LHFPL3: variants seen among roughly 807,000 people sequenced by gnomAD.
The protein encoded by LHFPL3 is LHFPL tetraspan subfamily member 3 protein.
In LHFPL3, 5 loss-of-function variants were observed where a neutral mutation model predicts 19.3. The ratio of observed to expected loss-of-function variants is 0.26; its 90% confidence interval spans 0.14 to 0.54. The LOEUF (loss-of-function observed/expected upper bound fraction) is 0.54, where lower values mean the gene tolerates loss of function less well. Among genes scored for constraint, LHFPL3 ranks in the 20% least tolerant of loss-of-function variants. The pLI, the probability that LHFPL3 is intolerant of heterozygous loss-of-function variation, is 0.94. For synonymous variants in LHFPL3, 133 were observed against 126.2 expected (o/e 1.05, Z -0.36); for missense variants, 249 against 307.4 (o/e 0.81, Z 1.42).
At chr7:104,569,463 A>G (rs1354570435) in intron 1 of LHFPL3, among the ~76,000 whole-genome samples, 1 of 152,128 alleles carries the variant, frequency 6.6e-6, no homozygotes, top group Non-Finnish European at 1.5e-5. Flanking sequence ...TCATTCAGTG[A>G]TCTCTCTTAT....
intron 1 of LHFPL3, among the ~76,000 whole-genome samples, chr7:104,353,313 C>T (rs1021289604): frequency 6.6e-6 from 1 of 152,124 alleles, no homozygotes; most frequent in South Asian, 2.1e-4. Context: ...TAGGGTACAC[C>T]ATGTTGCTGA....
intron 1 of LHFPL3, among the ~76,000 whole-genome samples, chr7:104,532,413 G>A (rs1486955595): frequency 7.5e-6 from 1 of 133,440 alleles, no homozygotes; most frequent in Non-Finnish European, 1.5e-5. Context: ...CTCCTAACTT[G>A]GCTTCCCAAA....
At chr7:104,360,453 T>C (rs921850670) in intron 1 of LHFPL3, among the ~76,000 whole-genome samples, 1 of 152,046 alleles carries the variant, frequency 6.6e-6, no homozygotes, top group Non-Finnish European at 1.5e-5. Context: ...CAGATAAAGC[T>C]CAGAGAATGG....
rs932896755 is a variant in LHFPL3, at chr7:104,493,477, A to G, written c.445+164253A>G. 5.3e-5 allele frequency among the ~76,000 whole-genome samples: 8 copies of G among 151,988 alleles called. No homozygotes were observed. In the South Asian group the frequency reaches 1.0e-3, roughly 20 times the overall value. ...TCTCCTTTACAGCGCATGTATCTCA[A>G]GAGCCTGCTGGAGTTTTTCAGCTAG... On this transcript the variant is annotated intron_variant, in intron 1 of 2. Coordinates refer to ENST00000424859, the MANE Select transcript of LHFPL3 (RefSeq NM_199000.3).
chr7:104,632,602 T>A (rs1278276536), intron 1 of LHFPL3, among the ~76,000 whole-genome samples: 1 of 152,228 alleles, frequency 6.6e-6, no homozygotes, highest in East Asian at 1.9e-4. Flanking sequence ...CCTTTTAAAT[T>A]GAGTCAGAAT....
chr7:104,684,741 C>T (rs2116105800), intron 1 of LHFPL3, among the ~76,000 whole-genome samples: 1 of 152,310 alleles, frequency 6.6e-6, no homozygotes, highest in Non-Finnish European at 1.5e-5. Context: ...CACGGCTAAG[C>T]AGCCCTAGAC....
At chr7:104,578,626 T>G (rs539865011) in intron 1 of LHFPL3, among the ~76,000 whole-genome samples, 38 of 152,362 alleles carry the variant, frequency 2.5e-4, no homozygotes, top group Non-Finnish European at 4.7e-4. Flanking sequence ...GCTTTCCTGG[T>G]GTCCAGTCCT....
At chr7:104,734,239 G>A (rs1368995240) in intron 1 of LHFPL3, among the ~76,000 whole-genome samples, 2 of 152,112 alleles carry the variant, frequency 1.3e-5, no homozygotes, top group African/African-American at 2.4e-5. Context: ...GGCATTCTCT[G>A]TATCTCCTGA....
intron 1 of LHFPL3, among the ~76,000 whole-genome samples, chr7:104,385,178 T>G (rs186174368): frequency 1.1e-4 from 17 of 152,300 alleles, no homozygotes; most frequent in African/African-American, 7.2e-5. Context: ...CTGAATAGTT[T>G]ATCAGGACTT....
At chr7:104,756,047 A>G (rs1342651414) in intron 2 of LHFPL3, among the ~76,000 whole-genome samples, 5 of 152,006 alleles carry the variant, frequency 3.3e-5, no homozygotes, top group Non-Finnish European at 5.9e-5. Flanking sequence ...AAGTCTTGCT[A>G]TGGGGCCAGG....
chr7:104,354,970 A>G (rs1211762945), intron 1 of LHFPL3, among the ~76,000 whole-genome samples: 4 of 152,190 alleles, frequency 2.6e-5, no homozygotes, highest in African/African-American at 9.7e-5. Context: ...ATATTTAACA[A>G]TGAAAGCAAA....
At chr7:104,658,457 C>A (rs1792158679) in intron 1 of LHFPL3, among the ~76,000 whole-genome samples, 1 of 152,120 alleles carries the variant, frequency 6.6e-6, no homozygotes, top group Non-Finnish European at 1.5e-5. Context: ...GCTCAGAATT[C>A]CTATAGATTG....
At chr7:104,659,384 C>A (rs1792180698) in intron 1 of LHFPL3, among the ~76,000 whole-genome samples, 1 of 152,186 alleles carries the variant, frequency 6.6e-6, no homozygotes, top group African/African-American at 2.4e-5. Flanking sequence ...GGTTGCAGAG[C>A]CAAGATGGGA....
intron 1 of LHFPL3, among the ~76,000 whole-genome samples, chr7:104,591,194 G>A (rs868278753): frequency 2.0e-4 from 30 of 152,180 alleles, no homozygotes; most frequent in African/African-American, 7.0e-4. Flanking sequence ...AGTTGATACA[G>A]TTTCTTCCTA....
chr7:104,892,226 T>C (rs1345367457), intron 2 of LHFPL3, among the ~76,000 whole-genome samples: 1 of 152,186 alleles, frequency 6.6e-6, no homozygotes, highest in Non-Finnish European at 1.5e-5. Context: ...ATCACTCTCT[T>C]AGAGAAGCAA....
chr7:104,588,625 T>G (rs1790637052), intron 1 of LHFPL3, among the ~76,000 whole-genome samples: 1 of 152,194 alleles, frequency 6.6e-6, no homozygotes, highest in South Asian at 2.1e-4. Flanking sequence ...CATATGAACT[T>G]TAAAGTAGTT....
chr7:104,544,668 C>T lies in LHFPL3; in HGVS notation c.446-192007C>T, dbSNP rs146392363. On this transcript the variant is annotated intron_variant, in intron 1 of 2. Transcript: ENST00000424859. ...GTCCATCCCATAGGTCAGTTCCTCT[C>T]CACTCAGCCCTTCATAGTGCATCTC... 2.5e-4 allele frequency among the ~76,000 whole-genome samples: 38 copies of T among 152,252 alleles called. No individual in the cohort carries two copies. In the East Asian group the frequency reaches 7.3e-3, roughly 29 times the overall value.
At chr7:104,483,257 T>C (rs984059686) in intron 1 of LHFPL3, among the ~76,000 whole-genome samples, 1 of 152,208 alleles carries the variant, frequency 6.6e-6, no homozygotes, top group African/African-American at 2.4e-5. Flanking sequence ...CTTACATGCC[T>C]TTCTCATCCT....
At chr7:104,726,440 A>G (rs1021563198) in intron 1 of LHFPL3, among the ~76,000 whole-genome samples, 2 of 152,038 alleles carry the variant, frequency 1.3e-5, no homozygotes, top group Admixed American at 6.6e-5. Flanking sequence ...TCACCTAGGT[A>G]TTAAGCCTAG....
Sources: allele counts gnomAD v4.1 joint callset (sites outside exome capture counted in the v4.1 genomes callset), GRCh38; gene constraint gnomAD v4.1.1; transcripts MANE v1.5; gene names NCBI Gene and HGNC (gene_info 2026-07-23, HGNC 2026-07-21).